KCNC2: variants seen among roughly 807,000 people sequenced by gnomAD.
KCNC2 encodes the protein voltage-gated potassium channel KCNC2.
KCNC2 carries 21 observed loss-of-function variants against 44.5 expected under a neutral mutation model. The observed-to-expected ratio is 0.47, with a 90% CI of 0.33 to 0.68. The LOEUF is 0.68. Ranked by LOEUF, KCNC2 falls within the 30% of genes least tolerant of loss-of-function variation. The pLI is 0.01. For synonymous variants in KCNC2, 391 were observed against 339.1 expected (o/e 1.15, Z -1.68); for missense variants, 589 against 826.2 (o/e 0.71, Z 3.52).
intron 2 of KCNC2, among the ~76,000 whole-genome samples, chr12:75,172,125 C>T (rs891689003): frequency 1.3e-4 from 20 of 151,788 alleles, no homozygotes; most frequent in African/African-American, 4.8e-4. Flanking sequence ...CTTCCATCTA[C>T]ATAGCTCATA....
At chr12:75,150,756 C>A (rs897078080) in intron 2 of KCNC2, among the ~76,000 whole-genome samples, 1 of 151,792 alleles carries the variant, frequency 6.6e-6, no homozygotes, top group South Asian at 2.1e-4. Flanking sequence ...GGCAATATTT[C>A]ACATATTTAT....
intron 2 of KCNC2, among the ~76,000 whole-genome samples, chr12:75,089,474 C>T (rs913944450): frequency 6.6e-6 from 1 of 151,588 alleles, no homozygotes; most frequent in African/African-American, 2.4e-5. Context: ...ACAGTGAAAC[C>T]GGTTAAATAA....
chr12:75,206,800 A>G (rs909006719), intron 2 of KCNC2, among the ~76,000 whole-genome samples: 2 of 152,178 alleles, frequency 1.3e-5, no homozygotes, highest in East Asian at 1.9e-4. Flanking sequence ...ACATAGATAC[A>G]TTCCATTTCC....
At chr12:75,177,057 T>TATATATATATATATATATAC (rs1491339880) in intron 2 of KCNC2, among the ~76,000 whole-genome samples, 55 of 127,252 alleles carry the variant, frequency 4.3e-4, no homozygotes, top group African/African-American at 1.5e-3. Flanking sequence ...TATATATATA[T>TATATATATATATATATATAC]ACACACACAC....
At chr12:75,065,193 C>A (rs1057220468) in intron 2 of KCNC2, among the ~76,000 whole-genome samples, 1 of 151,962 alleles carries the variant, frequency 6.6e-6, no homozygotes, top group Non-Finnish European at 1.5e-5. Flanking sequence ...GATTATCAGT[C>A]CTTGAAAAAT....
intron 2 of KCNC2, among the ~76,000 whole-genome samples, chr12:75,166,650 T>C (rs1004741684): frequency 4.0e-5 from 6 of 151,148 alleles, no homozygotes; most frequent in African/African-American, 1.2e-4. Flanking sequence ...AAGTGTACAA[T>C]AGAGGCAAAT....
At chr12:75,091,969 C>A (rs1252593998) in intron 2 of KCNC2, among the ~76,000 whole-genome samples, 1 of 151,482 alleles carries the variant, frequency 6.6e-6, no homozygotes, top group Non-Finnish European at 1.5e-5. Context: ...AAAAAATATA[C>A]ATGTTTCATT....
chr12:75,060,018 G>A (rs1305932011), intron 2 of KCNC2, among the ~76,000 whole-genome samples: 1 of 152,032 alleles, frequency 6.6e-6, no homozygotes, highest in African/African-American at 2.4e-5. Context: ...AATACACAAA[G>A]CTCTTCAATC....
chr12:75,120,187 A>C (rs1214413817), intron 2 of KCNC2, among the ~76,000 whole-genome samples: 3 of 152,222 alleles, frequency 2.0e-5, no homozygotes, highest in Non-Finnish European at 2.9e-5. Flanking sequence ...CACGTTTTCC[A>C]TTATCCCCAA....
chr12:75,156,018 T>C (rs188285804), intron 2 of KCNC2, among the ~76,000 whole-genome samples: 286 of 152,002 alleles, frequency 1.9e-3, no homozygotes, highest in African/African-American at 6.7e-3. Context: ...CTTCATTGTT[T>C]AGAAATAATT....
chr12:75,200,782 C>A (rs759745198), intron 2 of KCNC2, among the ~76,000 whole-genome samples: 9 of 151,620 alleles, frequency 5.9e-5, no homozygotes, highest in Non-Finnish European at 1.2e-4. Flanking sequence ...ATGAAGTGTG[C>A]TAGACAGCAC....
In KCNC2 at chr12:75,041,114, G is replaced by A. The variant is rs749488134; in HGVS notation, c.*1991C>T. 3 of 1,596,444 alleles carry A rather than the reference G, an allele frequency of 1.9e-6. No individual in the cohort carries two copies. The South Asian group carries it at 3.3e-5, about 18-fold the overall frequency. On this transcript the variant is annotated 3_prime_UTR_variant, in exon 5 of 5. Transcript: ENST00000549446. ...TGGTCACATCAGGGCACATTCAGCA[G>A]CAGAAGTCTGTTTCCAGTATAGTCC...
chr12:75,094,377 G>GT (rs1248339264), intron 2 of KCNC2, among the ~76,000 whole-genome samples: 3 of 151,548 alleles, frequency 2.0e-5, no homozygotes, highest in Non-Finnish European at 4.4e-5. Context: ...ACTGAACAGA[G>GT]TAACAGACTG....
At chr12:75,044,321 C>T (rs1436945727) in intron 4 of KCNC2, among the ~76,000 whole-genome samples, 2 of 151,782 alleles carry the variant, frequency 1.3e-5, no homozygotes, top group East Asian at 1.9e-4. Context: ...TCTTTTTTGG[C>T]AACCAAAATT....
intron 2 of KCNC2, among the ~76,000 whole-genome samples, chr12:75,191,576 C>T (rs1398651799): frequency 9.9e-6 from 1 of 100,792 alleles, no homozygotes; most frequent in Non-Finnish European, 1.9e-5. Flanking sequence ...CGGAGTCTCG[C>T]TCTGTCGCCC....
chr12:75,173,466 T>C (rs1022945812), intron 2 of KCNC2, among the ~76,000 whole-genome samples: 1 of 151,858 alleles, frequency 6.6e-6, no homozygotes, highest in African/African-American at 2.4e-5. Flanking sequence ...TACTCCATAG[T>C]TCCTCATTTC....
chr12:75,162,475 G>A (rs1470809924), intron 2 of KCNC2, among the ~76,000 whole-genome samples: 1 of 151,624 alleles, frequency 6.6e-6, no homozygotes, highest in African/African-American at 2.4e-5. Context: ...TGATAGATAT[G>A]GCTTTGGGAT....
At chr12:75,083,715 T>G (rs2137091407) in intron 2 of KCNC2, among the ~76,000 whole-genome samples, 1 of 152,064 alleles carries the variant, frequency 6.6e-6, no homozygotes, top group Non-Finnish European at 1.5e-5. Context: ...ATCAGGAAAT[T>G]GGCAACTCAA....
intron 2 of KCNC2, among the ~76,000 whole-genome samples, chr12:75,053,096 T>A (rs1289241607): frequency 6.6e-6 from 1 of 152,196 alleles, no homozygotes; most frequent in Non-Finnish European, 1.5e-5. Context: ...AAAGATCCTA[T>A]GTACACATTA....
Sources: gnomAD v4.1 joint callset for allele counts (sites outside exome capture counted in the v4.1 genomes callset) on GRCh38, gnomAD v4.1.1 for gene constraint, MANE v1.5 for transcripts, NCBI Gene and HGNC (gene_info 2026-07-23, HGNC 2026-07-21) for gene names.